ZDHHC2: variants seen among roughly 807,000 people sequenced by gnomAD.
ZDHHC2 encodes zDHHC palmitoyltransferase 2, also known as palmitoyltransferase ZDHHC2.
ZDHHC2 carries 51 observed loss-of-function variants against 55.6 expected under a neutral mutation model. That is an observed-to-expected ratio of 0.92 (90% CI 0.73 to 1.16). The LOEUF (loss-of-function observed/expected upper bound fraction) is 1.16. Ranked by LOEUF, ZDHHC2 falls within the 50% of genes most tolerant of loss-of-function variation. The pLI is 0.00. For missense variants in ZDHHC2, 491 were observed against 442.4 expected, an observed-to-expected ratio of 1.11 and a Z score of -0.99; for synonymous variants, 199 against 152.9, an observed-to-expected ratio of 1.30 and a Z score of -2.22.
chr8:17,166,222 A>G (rs146586188), intron 1 of ZDHHC2, among the ~76,000 whole-genome samples: 3 of 152,110 alleles, frequency 2.0e-5, no homozygotes. Flanking sequence ...GGTGTGTGAA[A>G]CCGTGGCGTG....
chr8:17,186,929 C>T (rs1298869872), intron 3 of ZDHHC2, among the ~76,000 whole-genome samples: 1 of 152,204 alleles, frequency 6.6e-6, no homozygotes, highest in African/African-American at 2.4e-5. Context: ...AAGGTCCCCT[C>T]TTGGTCTAAG....
intron 1 of ZDHHC2, among the ~76,000 whole-genome samples, chr8:17,160,795 A>G (rs934590052): frequency 2.0e-5 from 3 of 152,192 alleles, no homozygotes; most frequent in Admixed American, 6.5e-5. Context: ...CTCTGTTCCA[A>G]CCACTCAACT....
intron 1 of ZDHHC2, among the ~76,000 whole-genome samples, chr8:17,174,109 T>C (rs1805005108): frequency 6.6e-6 from 1 of 151,314 alleles, no homozygotes; most frequent in South Asian, 2.1e-4. Flanking sequence ...TTTTTTTTTT[T>C]AACAAGGTCT....
rs1297662337 is a variant in ZDHHC2, at chr8:17,199,509, T to TTCTTCTTCTTCTTCATCTTCG, written c.476+1101_476+1102insTTCTTCTTCATCTTCGTCTTC. On this transcript the variant is annotated intron_variant, in intron 6 of 12. Coordinates refer to ENST00000262096, the MANE Select transcript of ZDHHC2 (RefSeq NM_016353.5). ...CTTCTTCTTCTTCTTCTTCTTCTTC[T>TTCTTCTTCTTCTTCATCTTCG]TCTTCGTCTTCGTCTTCGTCTTCTG... 8.7e-4 allele frequency among the ~76,000 whole-genome samples: 105 copies of TTCTTCTTCTTCTTCATCTTCG among 121,206 alleles called. 3 individuals carry two copies. Among genetic ancestry groups the TTCTTCTTCTTCTTCATCTTCG allele is most frequent in the African/African-American group, 3.8e-3 (103 of 27,332 alleles). 79.5% of individuals were successfully genotyped at this position (121,206 alleles called of 152,430 possible). A position where few individuals can be genotyped will look rare whatever the true frequency, so the allele number is the denominator to read the frequency against.
chr8:17,223,092 A>G lies in ZDHHC2; in HGVS notation c.*2871A>G, dbSNP rs891223344. Reference sequence around the variant, plus strand: ...TGTGATTCATGCTTCAAGAAAATATATGAAAAAAGTGTTACTCCATTATGT... The same window carrying G: ...TGTGATTCATGCTTCAAGAAAATATGTGAAAAAAGTGTTACTCCATTATGT... On this transcript the variant is annotated 3_prime_UTR_variant, in exon 13 of 13. Coordinates refer to ENST00000262096, the MANE Select transcript of ZDHHC2 (RefSeq NM_016353.5). 6.6e-6 allele frequency: 1 copy of G among 151,936 alleles called. No homozygotes were observed. The highest frequency in any genetic ancestry group is 1.5e-5 in the Non-Finnish European group (1 of 67,820). 9.4% of individuals were successfully genotyped at this position (151,936 alleles called of 1,614,324 possible).
At chr8:17,169,154 T>C (rs1804738579) in intron 1 of ZDHHC2, among the ~76,000 whole-genome samples, 1 of 152,128 alleles carries the variant, frequency 6.6e-6, no homozygotes, top group Non-Finnish European at 1.5e-5. Flanking sequence ...CAGAGAAGCC[T>C]GTATATGCCC....
At chr8:17,195,269 A>G (rs1256347920) in intron 3 of ZDHHC2, among the ~76,000 whole-genome samples, 2 of 152,218 alleles carry the variant, frequency 1.3e-5, no homozygotes, top group African/African-American at 4.8e-5. Flanking sequence ...CACAAAAACC[A>G]GAGGAAGTAG....
chr8:17,158,496 C>T (rs771690883), intron 1 of ZDHHC2, among the ~76,000 whole-genome samples: 1 of 152,230 alleles, frequency 6.6e-6, no homozygotes, highest in Non-Finnish European at 1.5e-5. Flanking sequence ...GAGAGCTCTT[C>T]TGCCCGTTAG....
intron 3 of ZDHHC2, among the ~76,000 whole-genome samples, chr8:17,190,087 G>A (rs759430662): frequency 1.2e-4 from 18 of 151,880 alleles, no homozygotes; most frequent in Non-Finnish European, 2.1e-4. Flanking sequence ...ATTTTTTTAC[G>A]TATTATTCAT....
chr8:17,202,380 T>A (rs1000576785), intron 6 of ZDHHC2, among the ~76,000 whole-genome samples: 1 of 152,046 alleles, frequency 6.6e-6, no homozygotes, highest in Non-Finnish European at 1.5e-5. Context: ...GGGCTCAAAG[T>A]CACATAGGAA....
At chr8:17,160,208 G>T (rs569932379) in intron 1 of ZDHHC2, among the ~76,000 whole-genome samples, 11 of 152,226 alleles carry the variant, frequency 7.2e-5, no homozygotes, top group African/African-American at 2.2e-4. Flanking sequence ...ATTTCATACC[G>T]TTTTCTTTAT....
chr8:17,195,433 G>A (rs1195481522), intron 3 of ZDHHC2, 71 bp from the exon 4 acceptor site: 3 of 1,490,246 alleles, frequency 2.0e-6, no homozygotes, highest in Non-Finnish European at 2.7e-6. Context: ...CCTTTTCCGG[G>A]TATGGTAGAG....
chr8:17,190,799 A>G (rs1805984329), intron 3 of ZDHHC2, among the ~76,000 whole-genome samples: 1 of 152,040 alleles, frequency 6.6e-6, no homozygotes, highest in Non-Finnish European at 1.5e-5. Context: ...TAATAATCAC[A>G]TCAGCGTAAA....
At chr8:17,195,945 G>C (rs1204961298) in intron 4 of ZDHHC2, among the ~76,000 whole-genome samples, 1 of 152,116 alleles carries the variant, frequency 6.6e-6, no homozygotes, top group African/African-American at 2.4e-5. Context: ...TTTAATTGTA[G>C]ACTTTCCTAT....
intron 6 of ZDHHC2, among the ~76,000 whole-genome samples, chr8:17,199,381 C>T (rs1368668455): frequency 6.6e-6 from 1 of 151,954 alleles, no homozygotes; most frequent in Non-Finnish European, 1.5e-5. Flanking sequence ...TACTTGCACT[C>T]ATTCTTTTGC....
In ZDHHC2 at chr8:17,208,068, G is replaced by T; in HGVS notation, c.706G>T (p.Val236Phe). The change falls in exon 8 of 13, where the codon GTC becomes TTC. Residue 236 changes from valine (V) to phenylalanine (F), a missense_variant. By Grantham distance (50) the Val-to-Phe change is conservative. Coordinates refer to ENST00000262096, the MANE Select transcript of ZDHHC2 (RefSeq NM_016353.5). ...TCTGTTTGGCTATCATTGTTGGCTA[G>T]TCAGCAAAAATAAATCTACATTAGG... Reference protein sequence around the residue: ...SSLFGYHCWLVSKNKSTLEAF... With the variant: ...SSLFGYHCWLFSKNKSTLEAF... 6.3e-7 allele frequency: 1 copy of T among 1,578,556 alleles called. No homozygotes were observed. Among genetic ancestry groups the T allele is most frequent in the Non-Finnish European group, 8.6e-7 (1 of 1,160,648 alleles).
intron 6 of ZDHHC2, among the ~76,000 whole-genome samples, chr8:17,200,778 A>C (rs1314644546): frequency 1.3e-5 from 2 of 152,220 alleles, no homozygotes; most frequent in East Asian, 3.8e-4. Context: ...TAGAATTTTT[A>C]AAAATAGGTT....
At chr8:17,156,993 C>G (rs1445063738) in intron 1 of ZDHHC2, 140 bp downstream of exon 1, 1 of 777,576 alleles carries the variant, frequency 1.3e-6, no homozygotes, top group African/African-American at 1.9e-5. Flanking sequence ...CCGGCTCCGC[C>G]GCTAAAAGCA....
chr8:17,203,731 C>T (rs1470220659), intron 6 of ZDHHC2, among the ~76,000 whole-genome samples: 1 of 152,170 alleles, frequency 6.6e-6, no homozygotes, highest in Admixed American at 6.5e-5. Flanking sequence ...GCTTGCATCC[C>T]CCCACTGGAA....
Sources: allele counts gnomAD v4.1 joint callset (sites outside exome capture counted in the v4.1 genomes callset), GRCh38; gene constraint gnomAD v4.1.1; transcripts MANE v1.5; gene names NCBI Gene and HGNC (gene_info 2026-07-23, HGNC 2026-07-21).